ELAVL1: variants seen among roughly 807,000 people sequenced by gnomAD.
ELAVL1 encodes ELAV like RNA binding protein 1, also known as ELAV-like protein 1.
In ELAVL1, 1 loss-of-function variant was observed where a neutral mutation model predicts 28.4. That is an observed-to-expected ratio of 0.04 (90% CI 0.01 to 0.17). ELAVL1 has a LOEUF of 0.17. ELAVL1 is among the 10% of genes least tolerant of loss of function. ELAVL1 has a pLI of 1.00. For missense variants in ELAVL1, 157 were observed against 447.2 expected, an observed-to-expected ratio of 0.35 and a Z score of 5.85; for synonymous variants, 174 against 183.5, an observed-to-expected ratio of 0.95 and a Z score of 0.42.
In ELAVL1 at chr19:7,991,710, A is replaced by G. The variant is rs772056418; in HGVS notation, c.106T>C (p.Leu36=). ...CCAATGCTGCTGAACAGGCTTCGTA[A>G]CTCATCCTGGGTCATGTTCTGAGGG... The part of the protein sequence containing the change: ...YLPQNMTQDE[L]RSLFSSIGEV... Residue 36 remains leucine (L), a synonymous_variant, in exon 2 of 6, where the codon TTA becomes CTA. Coordinates refer to ENST00000407627, the MANE Select transcript of ELAVL1 (RefSeq NM_001419.3). 1 of 1,614,062 alleles carries G rather than the reference A, an allele frequency of 6.2e-7. No individual in the cohort carries two copies. Among genetic ancestry groups the G allele is most frequent in the Non-Finnish European group, 8.5e-7 (1 of 1,179,994 alleles).
rs372018741 is a variant in ELAVL1, at chr19:7,973,887, C to T, written c.277-9G>A. Reference sequence around the variant, plus strand: ...GGGCGAGCATACGACACCTTGGGAACACAACCACTTTCCGAGATTAGTACA... The same window carrying T: ...GGGCGAGCATACGACACCTTGGGAATACAACCACTTTCCGAGATTAGTACA... On this transcript the variant is annotated splice_polypyrimidine_tract_variant and intron_variant, in intron 3 of 5. Transcript: ENST00000407627. 33 of 1,613,462 alleles carry T rather than the reference C, an allele frequency of 2.0e-5. No individual in the cohort carries two copies. The highest frequency in any genetic ancestry group is 6.7e-5 in the Admixed American group (4 of 59,954).
At chr19:7,999,620 C>T (rs2081060671) in intron 1 of ELAVL1, among the ~76,000 whole-genome samples, 1 of 152,110 alleles carries the variant, frequency 6.6e-6, no homozygotes, top group Non-Finnish European at 1.5e-5. Context: ...TGCTGGCTCT[C>T]AGACCAGGCT....
chr19:7,966,197 A>C (rs1230898971), intron 5 of ELAVL1, among the ~76,000 whole-genome samples: 2 of 152,184 alleles, frequency 1.3e-5, no homozygotes, highest in African/African-American at 4.8e-5. Context: ...AAATTAAAAA[A>C]AAAAGGGAAA....
chr19:7,960,074 G>A lies in ELAVL1; in HGVS notation c.*3409C>T, dbSNP rs1984762159. ...TCAAGTCCGATGCCGGACTGGGTAA[G>A]TCATGTCTTTTCAATGCCTGGTGGA... On this transcript the variant is annotated 3_prime_UTR_variant, in exon 6 of 6. Coordinates refer to ENST00000407627, the MANE Select transcript of ELAVL1 (RefSeq NM_001419.3). The A allele has an allele frequency of 6.6e-6, 1 of 152,234 alleles. No individual in the cohort carries two copies. Among genetic ancestry groups the A allele is most frequent in the Non-Finnish European group, 1.5e-5 (1 of 68,040 alleles). The allele number at this position is 152,234 out of a possible 1,614,324, so 9.4% of individuals were successfully genotyped here. A position where few individuals can be genotyped will look rare whatever the true frequency, so the allele number is the denominator to read the frequency against.
Position 7,979,223 on chromosome 19 carries a change from T to C in ELAVL1, c.276+1860A>G, listed in dbSNP as rs979969655. On this transcript the variant is annotated intron_variant, in intron 3 of 5. Transcript: ENST00000407627. The surrounding 1 kb of genome is among the most constrained non-coding windows in gnomAD (Gnocchi z 5.4). ...AACTAGGACAGTGGTGTGAAGCCAC[T>C]GAGAAGCAGACTCTGCCGGCAGAGG... Among the ~76,000 whole-genome samples the C allele has an allele frequency of 5.9e-5, 9 of 152,180 alleles. No homozygotes were observed. The highest frequency in any genetic ancestry group is 2.2e-4 in the African/African-American group (9 of 41,444).
At chr19:7,987,930 G>A (rs1251152303) in intron 2 of ELAVL1, among the ~76,000 whole-genome samples, 2 of 152,204 alleles carry the variant, frequency 1.3e-5, no homozygotes, top group African/African-American at 4.8e-5. Flanking sequence ...GGACCTGAAC[G>A]GTTTGAGGAG....
chr19:7,999,422 C>T (rs1169508628), intron 1 of ELAVL1, among the ~76,000 whole-genome samples: 2 of 152,190 alleles, frequency 1.3e-5, no homozygotes, highest in Non-Finnish European at 2.9e-5. Context: ...AGGTTACTTA[C>T]TCTAGTTCTC....
chr19:7,960,905 G>A lies in ELAVL1; in HGVS notation c.*2578C>T, dbSNP rs1405473810. On this transcript the variant is annotated 3_prime_UTR_variant, in exon 6 of 6. Transcript: ENST00000407627. ...TTTGAGGACACAGGGCCAGCAACTA[G>A]AACCTTGATGGAACAGAGATTGCTT... 1 of 152,206 alleles carries A rather than the reference G, an allele frequency of 6.6e-6. No individual in the cohort carries two copies. Among genetic ancestry groups the A allele is most frequent in the Non-Finnish European group, 1.5e-5 (1 of 68,040 alleles). The allele number at this position is 152,206 out of a possible 1,614,324, so 9.4% of individuals were successfully genotyped here.
intron 1 of ELAVL1, among the ~76,000 whole-genome samples, chr19:8,004,257 T>C (rs2145234161): frequency 6.6e-6 from 1 of 152,314 alleles, no homozygotes; most frequent in Non-Finnish European, 1.5e-5. Flanking sequence ...CCCTCTTCAA[T>C]TTGCACCACA....
At chr19:7,986,648 C>CT (rs2145218234) in intron 2 of ELAVL1, among the ~76,000 whole-genome samples, 1 of 152,330 alleles carries the variant, frequency 6.6e-6, no homozygotes, top group South Asian at 2.1e-4. Context: ...GGAAGACTTT[C>CT]TATGGAAATA....
At chr19:7,973,620 G>C (rs772942670) in intron 4 of ELAVL1, 105 bp downstream of exon 4, 25 of 1,406,292 alleles carry the variant, frequency 1.8e-5, no homozygotes, top group Non-Finnish European at 2.4e-5. Flanking sequence ...CTCGTTTGCG[G>C]AATAACTAAT....
intron 2 of ELAVL1, among the ~76,000 whole-genome samples, chr19:7,986,764 G>A (rs367717464): frequency 2.6e-5 from 4 of 152,212 alleles, no homozygotes; most frequent in South Asian, 4.1e-4. Context: ...GGGATCGCGA[G>A]ATGTTCAGCG....
chr19:7,999,558 T>C (rs1273597629), intron 1 of ELAVL1, among the ~76,000 whole-genome samples: 4 of 152,162 alleles, frequency 2.6e-5, no homozygotes, highest in African/African-American at 7.2e-5. Flanking sequence ...ACCATTGCCA[T>C]CTAAGAGTCC....
At chr19:7,997,844 G>A (rs1218952550) in intron 1 of ELAVL1, among the ~76,000 whole-genome samples, 9 of 151,964 alleles carry the variant, frequency 5.9e-5, no homozygotes, top group African/African-American at 1.7e-4. Context: ...CCAGCTAATC[G>A]GGGGGCTCAG....
chr19:7,987,973 C>G (rs1985649919), intron 2 of ELAVL1, among the ~76,000 whole-genome samples: 1 of 152,206 alleles, frequency 6.6e-6, no homozygotes, highest in African/African-American at 2.4e-5. Context: ...GGCTGTCAAA[C>G]AGGCCCCTCT....
At chr19:7,997,359 A>C (rs756851748) in intron 1 of ELAVL1, among the ~76,000 whole-genome samples, 1 of 152,244 alleles carries the variant, frequency 6.6e-6, no homozygotes, top group East Asian at 1.9e-4. Context: ...CCACCTGGCA[A>C]TAAAAGGTAT....
chr19:8,001,970 C>G, intron 1 of ELAVL1: 1 of 1,153,918 alleles, frequency 8.7e-7, no homozygotes, highest in Non-Finnish European at 1.2e-6. Flanking sequence ...CAGCCTGTGA[C>G]TGGTTTCTCC....
intron 1 of ELAVL1, 84 bp from the exon 2 acceptor site, chr19:7,991,915 A>G: frequency 9.8e-7 from 1 of 1,020,724 alleles, no homozygotes; most frequent in South Asian, 2.1e-5. Context: ...ATTTGCACTT[A>G]GAGATTTTCT....
At chr19:7,977,118 C>A (rs901962309) in intron 3 of ELAVL1, among the ~76,000 whole-genome samples, 1 of 152,156 alleles carries the variant, frequency 6.6e-6, no homozygotes, top group Non-Finnish European at 1.5e-5. Context: ...ACCGCTGCTG[C>A]GTGAGTGGAG....
Sources: allele counts gnomAD v4.1 joint callset (sites outside exome capture counted in the v4.1 genomes callset), GRCh38; gene constraint gnomAD v4.1.1; non-coding constraint Gnocchi (gnomAD v3.1); transcripts MANE v1.5; gene names NCBI Gene and HGNC (gene_info 2026-07-23, HGNC 2026-07-21).